SPIDR: variants seen among roughly 807,000 people sequenced by gnomAD.
The protein encoded by SPIDR is DNA repair-scaffolding protein.
Under a neutral mutation model 104.6 loss-of-function variants are expected in SPIDR, and 93 were observed. The ratio of observed to expected loss-of-function variants is 0.89; its 90% CI spans 0.75 to 1.06. The LOEUF (loss-of-function observed/expected upper bound fraction) is 1.06, where lower values mean the gene tolerates loss of function less well. Among genes scored for constraint, SPIDR ranks in the 50% least tolerant of loss-of-function variants. The pLI, the probability that SPIDR is intolerant of heterozygous loss-of-function variation, is 0.00. For missense variants in SPIDR, 1,154 were observed against 1,111.2 expected (o/e 1.04, Z -0.55); for synonymous variants, 431 against 416.9 (o/e 1.03, Z -0.41).
chr8:47,683,659 A>C (rs1474728909), intron 11 of SPIDR, among the ~76,000 whole-genome samples: 1 of 152,232 alleles, frequency 6.6e-6, no homozygotes, highest in Non-Finnish European at 1.5e-5. Context: ...TATGAAATCC[A>C]AAATACTCCA....
At chr8:47,305,200 T>C (rs1554580720) in intron 5 of SPIDR, among the ~76,000 whole-genome samples, 3,480 of 152,230 alleles carry the variant, frequency 0.023, 101 homozygotes, top group East Asian at 0.082. Context: ...TCAGGAAGTG[T>C]GAAGGAAATT....
At chr8:47,468,869 G>A (rs948644924) in intron 8 of SPIDR, among the ~76,000 whole-genome samples, 7 of 152,028 alleles carry the variant, frequency 4.6e-5, no homozygotes, top group East Asian at 3.9e-4. Flanking sequence ...GCCTCTGCAC[G>A]GCAAAAGAAA....
chr8:47,668,048 T>G (rs1422167146), intron 10 of SPIDR, among the ~76,000 whole-genome samples: 1 of 152,216 alleles, frequency 6.6e-6, no homozygotes, highest in Non-Finnish European at 1.5e-5. Flanking sequence ...TTAGAGATGT[T>G]GAGCTGGTAG....
intron 8 of SPIDR, among the ~76,000 whole-genome samples, chr8:47,564,657 G>C (rs1445659850): frequency 3.3e-5 from 5 of 149,942 alleles, no homozygotes; most frequent in Admixed American, 3.3e-4. Flanking sequence ...TCCATTCTGG[G>C]CATCAGAGCA....
chr8:47,593,129 G>A (rs772140116), intron 8 of SPIDR, among the ~76,000 whole-genome samples: 15 of 151,900 alleles, frequency 9.9e-5, no homozygotes, highest in South Asian at 2.1e-4. Context: ...TCAGGTGATC[G>A]CCCGCCTCGG....
intron 5 of SPIDR, among the ~76,000 whole-genome samples, chr8:47,341,667 A>G (rs1554614117): frequency 1.3e-5 from 2 of 152,026 alleles, no homozygotes; most frequent in African/African-American, 4.8e-5. Flanking sequence ...TAAGTTTTAC[A>G]TTGTTGATAC....
intron 14 of SPIDR, among the ~76,000 whole-genome samples, chr8:47,705,438 A>G (rs948061575): frequency 4.6e-5 from 7 of 152,222 alleles, no homozygotes; most frequent in Non-Finnish European, 8.8e-5. Context: ...TCTGTCTCCT[A>G]TAGTCTGCTT....
At chr8:47,294,227 T>A (rs1285952329) in intron 5 of SPIDR, 197 bp downstream of exon 5, 1 of 576,852 alleles carries the variant, frequency 1.7e-6, no homozygotes, top group East Asian at 3.3e-5. Flanking sequence ...GGATAAATAT[T>A]GATCTCACTT....
At chr8:47,647,616 A>AAGAGAGAGAGAGAGAGAG (rs369414271) in intron 10 of SPIDR, among the ~76,000 whole-genome samples, 911 of 60,364 alleles carry the variant, frequency 0.015, 30 homozygotes, top group Non-Finnish European at 0.022. Context: ...TCCATCTCGA[A>AAGAGAGAGAGAGAGAGAG]AGAGAGAGAG....
At chr8:47,390,679 A>G (rs188901137) in intron 5 of SPIDR, among the ~76,000 whole-genome samples, 3 of 150,780 alleles carry the variant, frequency 2.0e-5, no homozygotes, top group African/African-American at 7.3e-5. Context: ...TTTTTTTCCT[A>G]CCTTTCTGTG....
At position 47,621,545 on chromosome 8, in the gene SPIDR, G is replaced by A. The variant is rs532622626; in HGVS notation, c.1544+22349G>A. Among the ~76,000 whole-genome samples the A allele has an allele frequency of 2.0e-5, 3 of 152,250 alleles. No individual in the cohort carries two copies. In the South Asian group the frequency reaches 6.2e-4, roughly 32 times the overall value. ...TGACCTGAGCGTCTTTGAAGGAAGG[G>A]GCTCTGCCCTTTCTTGCCTGTGTGT... On this transcript the variant is annotated intron_variant, in intron 10 of 19. Coordinates refer to ENST00000297423, the MANE Select transcript of SPIDR (RefSeq NM_001080394.4).
At chr8:47,443,530 CA>C (rs1277092211) in intron 8 of SPIDR, among the ~76,000 whole-genome samples, 1 of 143,740 alleles carries the variant, frequency 7.0e-6, no homozygotes, top group East Asian at 2.1e-4. Flanking sequence ...GAGATTGCAC[CA>C]CTGCATTCCA....
At chr8:47,275,216 G>C (rs1178870505) in intron 1 of SPIDR, among the ~76,000 whole-genome samples, 1 of 151,358 alleles carries the variant, frequency 6.6e-6, no homozygotes, top group Non-Finnish European at 1.5e-5. Flanking sequence ...CCCAGATTGC[G>C]CCACTGCACT....
chr8:47,314,974 T>A (rs976850666), intron 5 of SPIDR, among the ~76,000 whole-genome samples: 19 of 152,120 alleles, frequency 1.2e-4, no homozygotes, highest in African/African-American at 4.3e-4. Context: ...ACAGTAAGTA[T>A]AAGATGGAGT....
chr8:47,314,575 C>T (rs2044902625), intron 5 of SPIDR, among the ~76,000 whole-genome samples: 1 of 152,088 alleles, frequency 6.6e-6, no homozygotes, highest in South Asian at 2.1e-4. Context: ...GGGAAAGCCC[C>T]TTATAAAACC....
At chr8:47,533,117 A>T (rs1198916957) in intron 8 of SPIDR, among the ~76,000 whole-genome samples, 1 of 152,238 alleles carries the variant, frequency 6.6e-6, no homozygotes, top group Admixed American at 6.5e-5. Context: ...AATTTATAGC[A>T]TTGAATGTAC....
At chr8:47,679,429 GT>G (rs2076832586) in intron 11 of SPIDR, among the ~76,000 whole-genome samples, 1 of 116,650 alleles carries the variant, frequency 8.6e-6, no homozygotes, top group Admixed American at 9.6e-5. Context: ...GCCCCCTCCA[GT>G]GCTGGCCTGT....
chr8:47,511,975 G>T, intron 8 of SPIDR: 1 of 791,120 alleles, frequency 1.3e-6, no homozygotes, highest in East Asian at 2.5e-5. Context: ...TGAACTGGGG[G>T]TTGCCTGTGA....
intron 5 of SPIDR, chr8:47,388,298 G>A (rs991917722): frequency 1.0e-4 from 16 of 153,368 alleles, no homozygotes; most frequent in African/African-American, 3.4e-4. Context: ...TGTACATGGT[G>A]TGTACTGAAT....
Sources: gnomAD v4.1 joint callset for allele counts (sites outside exome capture counted in the v4.1 genomes callset) on GRCh38, gnomAD v4.1.1 for gene constraint, MANE v1.5 for transcripts, NCBI Gene and HGNC (gene_info 2026-07-23, HGNC 2026-07-21) for gene names.